NDST3: variants seen among roughly 807,000 people sequenced by gnomAD.
The protein encoded by NDST3 is bifunctional heparan sulfate N-deacetylase/N-sulfotransferase 3.
Under a neutral mutation model 96.1 loss-of-function variants are expected in NDST3, and 58 were observed. That is an observed-to-expected ratio of 0.60 (90% confidence interval 0.49 to 0.75). The LOEUF is 0.75. NDST3 is among the 30% of genes least tolerant of loss of function. NDST3 has a pLI of 0.00. For missense variants in NDST3, 788 were observed against 1,034.2 expected (o/e 0.76, Z 3.27); for synonymous variants, 333 against 359.7 (o/e 0.93, Z 0.84).
At chr4:118,209,308 T>C (rs1278200194) in intron 6 of NDST3, among the ~76,000 whole-genome samples, 2 of 152,230 alleles carry the variant, frequency 1.3e-5, no homozygotes, top group Non-Finnish European at 2.9e-5. Context: ...CATTATTCTG[T>C]CACTTTCTAA....
At chr4:118,241,473 T>C (rs1741002678) in intron 11 of NDST3, among the ~76,000 whole-genome samples, 1 of 147,694 alleles carries the variant, frequency 6.8e-6, no homozygotes, top group Non-Finnish European at 1.5e-5. Flanking sequence ...TCCTCTCATC[T>C]TGCTGGGTCC....
chr4:118,151,888 C>T (rs11933537), intron 6 of NDST3, among the ~76,000 whole-genome samples: 4,247 of 152,144 alleles, frequency 0.028, 218 homozygotes, highest in African/African-American at 0.097. Context: ...GCCCCTCCTG[C>T]GTTTCTATAG....
chr4:118,102,056 C>A (rs1322378202), intron 2 of NDST3, among the ~76,000 whole-genome samples: 2 of 151,356 alleles, frequency 1.3e-5, no homozygotes, highest in Non-Finnish European at 2.9e-5. Context: ...AACTATATGC[C>A]TGCAAATATT....
rs143553427 is a variant in NDST3, at chr4:118,151,336, A to G, written c.1539+7652A>G. The stretch of plus-strand genomic sequence containing the variant: ...GCACCAGCATGGTACATGTATACAT[A>G]TGTAACTAACCTGCATATTGTGCAC... On this transcript the variant is annotated intron_variant, in intron 6 of 13. Transcript: ENST00000296499. Among the ~76,000 whole-genome samples the G allele has an allele frequency of 3.2e-4, 49 of 152,254 alleles. No individual in the cohort carries two copies. The East Asian group carries it at 7.5e-3, about 23-fold the overall frequency.
intron 2 of NDST3, among the ~76,000 whole-genome samples, chr4:118,076,363 C>G (rs141421140): frequency 6.6e-6 from 1 of 152,184 alleles, no homozygotes; most frequent in African/African-American, 2.4e-5. Context: ...TTTGGGGAAA[C>G]TTTTGTGGAT....
intron 2 of NDST3, chr4:118,055,206 A>T (rs1725343053): frequency 1.2e-5 from 4 of 333,110 alleles, no homozygotes; most frequent in Non-Finnish European, 2.3e-5. Flanking sequence ...AAAAAAAGCT[A>T]TTACTAATCT....
chr4:118,139,224 T>C (rs1411707109), intron 5 of NDST3, among the ~76,000 whole-genome samples: 2 of 152,196 alleles, frequency 1.3e-5, no homozygotes, highest in African/African-American at 4.8e-5. Flanking sequence ...GTACTGAAAA[T>C]GAACCTACTG....
chr4:118,222,260 C>T (rs1739597896), intron 6 of NDST3, among the ~76,000 whole-genome samples: 1 of 151,850 alleles, frequency 6.6e-6, no homozygotes, highest in Non-Finnish European at 1.5e-5. Flanking sequence ...CCAAAACATT[C>T]TTGTTATATA....
intron 2 of NDST3, among the ~76,000 whole-genome samples, chr4:118,060,190 T>A (rs2076518809): frequency 6.6e-6 from 1 of 152,164 alleles, no homozygotes; most frequent in African/African-American, 2.4e-5. Context: ...ATTTTCCAAC[T>A]CTGATGGTTG....
intron 6 of NDST3, among the ~76,000 whole-genome samples, chr4:118,221,507 C>T (rs1000209655): frequency 1.3e-5 from 2 of 151,994 alleles, no homozygotes; most frequent in African/African-American, 4.8e-5. Context: ...TGCACCAGGA[C>T]CTGTATTTTG....
At chr4:118,201,710 A>G (rs1738099799) in intron 6 of NDST3, among the ~76,000 whole-genome samples, 1 of 152,192 alleles carries the variant, frequency 6.6e-6, no homozygotes, top group South Asian at 2.1e-4. Flanking sequence ...CATAGTTTGC[A>G]GATATCGTCT....
At chr4:118,247,975 T>C (rs1741429533) in intron 12 of NDST3, among the ~76,000 whole-genome samples, 1 of 152,208 alleles carries the variant, frequency 6.6e-6, no homozygotes, top group African/African-American at 2.4e-5. Flanking sequence ...ATTTCAGACA[T>C]ACTTTAGTCT....
chr4:118,106,748 G>C (rs1730216212), intron 3 of NDST3, among the ~76,000 whole-genome samples: 1 of 151,990 alleles, frequency 6.6e-6, no homozygotes, highest in African/African-American at 2.4e-5. Flanking sequence ...CTATGTTCAT[G>C]CCACTGCGCT....
At chr4:118,178,841 A>C (rs1736425212) in intron 6 of NDST3, among the ~76,000 whole-genome samples, 1 of 152,044 alleles carries the variant, frequency 6.6e-6, no homozygotes, top group South Asian at 2.1e-4. Flanking sequence ...CCTTGCCAAC[A>C]CATTATTTCC....
chr4:118,054,314 A>C lies in NDST3; in HGVS notation c.404A>C (p.Asn135Thr). ...AAATACATTCTCATTATTTATGAGA[A>C]TATTTTAAAGTATATAAATATGGAT... ...KGKYILIIYE[N>T]ILKYINMDSW... Residue 135 changes from asparagine to threonine, a missense_variant, in exon 2 of 14, where the codon AAT (asparagine) becomes ACT (threonine). Around this residue, in one of 3 missense-constraint regions of NDST3, gnomAD observed 234 missense variants for 256.9 expected, o/e 0.91. Transcript: ENST00000296499. 6.2e-7 allele frequency: 1 copy of C among 1,609,746 alleles called. No individual in the cohort carries two copies.
intron 6 of NDST3, chr4:118,194,329 T>C: frequency 1.4e-6 from 1 of 733,508 alleles, no homozygotes; most frequent in Admixed American, 1.8e-5. Flanking sequence ...TCTTCTTCCG[T>C]CAGATCTTCT....
intron 6 of NDST3, among the ~76,000 whole-genome samples, chr4:118,197,508 T>C (rs1203522302): frequency 2.6e-5 from 4 of 152,318 alleles, no homozygotes; most frequent in African/African-American, 7.2e-5. Flanking sequence ...AGTGCATATA[T>C]ATTTAAAATC....
chr4:118,244,510 A>G lies in NDST3; in HGVS notation c.2399+2361A>G, dbSNP rs111496901. Among the ~76,000 whole-genome samples the G allele has an allele frequency of 4.6e-5, 7 of 152,022 alleles. 1 individual carries two copies. Among genetic ancestry groups the G allele is most frequent in the African/African-American group, 1.4e-4 (6 of 41,472 alleles). On this transcript the variant is annotated intron_variant, in intron 12 of 13. Transcript: ENST00000296499. Reference sequence around the variant, plus strand: ...CTTAAAATTTTTTTTTTCTCATTGGAAGTCCTCTAAGGATATAGTAAACTG... The same window carrying G: ...CTTAAAATTTTTTTTTTCTCATTGGGAGTCCTCTAAGGATATAGTAAACTG...
At chr4:118,251,575 A>G (rs1373147034) in intron 12 of NDST3, among the ~76,000 whole-genome samples, 2 of 152,178 alleles carry the variant, frequency 1.3e-5, no homozygotes, top group African/African-American at 4.8e-5. Context: ...TTACCTTGGC[A>G]GCCATTTTTT....
Sources: allele counts gnomAD v4.1 joint callset (sites outside exome capture counted in the v4.1 genomes callset), GRCh38; gene constraint gnomAD v4.1.1; regional missense constraint gnomAD v4.1.1; transcripts MANE v1.5; gene names NCBI Gene and HGNC (gene_info 2026-07-23, HGNC 2026-07-21).